Variants in SLC44A5 observed in about 807,000 individuals in gnomAD.
SLC44A5 encodes choline transporter-like protein 5.
Under a neutral mutation model 101.8 loss-of-function variants are expected in SLC44A5, and 57 were observed. The ratio of observed to expected loss-of-function variants is 0.56; its 90% CI spans 0.45 to 0.70. SLC44A5 has a LOEUF of 0.70. Ranked by LOEUF, SLC44A5 falls within the 30% of genes least tolerant of loss-of-function variation. The pLI is 0.00. For synonymous variants in SLC44A5, 281 were observed against 290.9 expected, an observed-to-expected ratio of 0.97 and a Z score of 0.35; for missense variants, 737 against 853.1, an observed-to-expected ratio of 0.86 and a Z score of 1.70.
At chr1:75,300,311 T>C (rs614714) in intron 5 of SLC44A5, among the ~76,000 whole-genome samples, 8,987 of 152,164 alleles carry the variant, frequency 0.059, 917 homozygotes, top group African/African-American at 0.21. Context: ...TGAACATAAT[T>C]AGTTGCTTAT....
intron 4 of SLC44A5, among the ~76,000 whole-genome samples, chr1:75,314,235 C>T (rs1655525520): frequency 6.6e-6 from 1 of 152,150 alleles, no homozygotes. Flanking sequence ...ACTCATGCAT[C>T]TCTTTGTCTC....
chr1:75,431,460 A>G (rs541589064), intron 2 of SLC44A5, among the ~76,000 whole-genome samples: 6 of 152,310 alleles, frequency 3.9e-5, no homozygotes, highest in Non-Finnish European at 7.4e-5. Flanking sequence ...TGAAATCATT[A>G]TTTCAATATT....
intron 4 of SLC44A5, among the ~76,000 whole-genome samples, chr1:75,302,780 T>A (rs1294981755): frequency 6.6e-6 from 1 of 152,142 alleles, no homozygotes; most frequent in Admixed American, 6.5e-5. Flanking sequence ...AGACAGTTGA[T>A]CTGACAAGCA....
At chr1:75,445,568 A>ACATATATATG (rs1665524217) in intron 2 of SLC44A5, among the ~76,000 whole-genome samples, 1 of 66,068 alleles carries the variant, frequency 1.5e-5, no homozygotes, top group Admixed American at 1.5e-4. Context: ...AATTATATAT[A>ACATATATATG]TAATCCTTTC....
At chr1:75,343,999 C>T (rs1006178010) in intron 3 of SLC44A5, among the ~76,000 whole-genome samples, 2 of 152,034 alleles carry the variant, frequency 1.3e-5, no homozygotes, top group Non-Finnish European at 2.9e-5. Flanking sequence ...TTATAATGCC[C>T]CTCTTTTAAC....
At chr1:75,586,882 A>G (rs1674034648) in intron 1 of SLC44A5, among the ~76,000 whole-genome samples, 3 of 146,814 alleles carry the variant, frequency 2.0e-5, no homozygotes. Flanking sequence ...TACTCCACTC[A>G]ATTTGGAATA....
chr1:75,264,983 T>G (rs953325755), intron 6 of SLC44A5, among the ~76,000 whole-genome samples: 3 of 152,124 alleles, frequency 2.0e-5, no homozygotes, highest in African/African-American at 7.2e-5. Flanking sequence ...GAGACTGTTA[T>G]GAAAAACTGT....
At chr1:75,264,750 C>A (rs1241973555) in intron 6 of SLC44A5, among the ~76,000 whole-genome samples, 1 of 151,104 alleles carries the variant, frequency 6.6e-6, no homozygotes, top group African/African-American at 2.4e-5. Context: ...CAAACCAACA[C>A]AAAATTAGTA....
the SLC44A5 span, among the ~76,000 whole-genome samples, chr1:75,646,854 A>G: frequency 4.6e-5 from 7 of 152,276 alleles, no homozygotes; most frequent in Admixed American, 6.5e-5. Context: ...GGCAGAAGAA[A>G]TTTCTAAGTG....
intron 2 of SLC44A5, among the ~76,000 whole-genome samples, chr1:75,497,272 C>T (rs1372898890): frequency 4.6e-5 from 7 of 151,374 alleles, no homozygotes; most frequent in Admixed American, 6.6e-5. Flanking sequence ...AAAAAATTGC[C>T]GTGTGTGTGT....
chr1:75,599,658 G>C lies in SLC44A5; in HGVS notation c.-70+11382C>G, dbSNP rs75215809. On this transcript the variant is annotated intron_variant, in intron 1 of 23. Coordinates refer to ENST00000370859, the MANE Select transcript of SLC44A5 (RefSeq NM_001130058.2). ...AAATTTTACAGAGAAGTTGACATTT[G>C]TGCTTAATCTTGGAAAAAAATAGAA... Among the ~76,000 whole-genome samples the C allele has an allele frequency of 5.9e-5, 9 of 152,270 alleles. No individual in the cohort carries two copies. In the East Asian group the frequency reaches 1.4e-3, roughly 23 times the overall value.
At chr1:75,214,507 C>T (rs1646922470) in intron 20 of SLC44A5, 98 bp downstream of exon 20, 1 of 817,778 alleles carries the variant, frequency 1.2e-6, no homozygotes, top group Non-Finnish European at 1.9e-6. Flanking sequence ...TATTCATATC[C>T]AATAATGCCA....
the SLC44A5 span, among the ~76,000 whole-genome samples, chr1:75,675,129 T>C: frequency 6.6e-6 from 1 of 152,260 alleles, no homozygotes; most frequent in African/African-American, 2.4e-5. Context: ...TTTAAAATAT[T>C]TTTTTCTAAT....
At chr1:75,620,797 G>T in the SLC44A5 span, among the ~76,000 whole-genome samples, 2 of 152,150 alleles carry the variant, frequency 1.3e-5, no homozygotes, top group African/African-American at 4.8e-5. Flanking sequence ...GCACTCTGAT[G>T]ATAGTTTCTT....
At chr1:75,405,882 T>TA (rs151008621) in intron 2 of SLC44A5, among the ~76,000 whole-genome samples, 77,197 of 118,630 alleles carry the variant, frequency 0.65, 22,460 homozygotes, top group Non-Finnish European at 0.72. Context: ...GCGATAGAGA[T>TA]AAAAAAAAAA....
intron 6 of SLC44A5, among the ~76,000 whole-genome samples, chr1:75,263,940 T>C (rs1479361653): frequency 6.6e-6 from 1 of 151,854 alleles, no homozygotes; most frequent in Admixed American, 6.6e-5. Context: ...TGAGCACACA[T>C]GGACACAGGG....
the SLC44A5 span, among the ~76,000 whole-genome samples, chr1:75,662,646 G>A: frequency 6.6e-6 from 1 of 151,368 alleles, no homozygotes; most frequent in African/African-American, 2.4e-5. Flanking sequence ...ATTACTGTTT[G>A]TGTATAAATT....
chr1:75,203,879 A>G (rs1646702809), intron 23 of SLC44A5, 46 bp from the exon 24 acceptor site: 2 of 1,501,110 alleles, frequency 1.3e-6, no homozygotes, highest in African/African-American at 1.4e-5. Flanking sequence ...CAGAACTGTA[A>G]GAGAAGTAAC....
At chr1:75,505,127 G>A (rs1669175658) in intron 2 of SLC44A5, among the ~76,000 whole-genome samples, 1 of 152,126 alleles carries the variant, frequency 6.6e-6, no homozygotes, top group Non-Finnish European at 1.5e-5. Context: ...CATTTAGGAT[G>A]ATGACCTAGA....
Sources: gnomAD v4.1 joint callset for allele counts (sites outside exome capture counted in the v4.1 genomes callset) on GRCh38, gnomAD v4.1.1 for gene constraint, MANE v1.5 for transcripts, NCBI Gene and HGNC (gene_info 2026-07-23, HGNC 2026-07-21) for gene names.